The following RYR1 variants were observed in gnomAD, a reference collection of about 807,000 sequenced individuals.
The protein encoded by RYR1 is central core disease of muscle.
RYR1 carries 342 observed loss-of-function variants against 583.5 expected under a neutral mutation model. That is an observed-to-expected ratio of 0.59 (90% CI 0.54 to 0.64). The LOEUF is 0.64. RYR1 is among the 30% of genes least tolerant of loss of function. The pLI is 0.00. For missense variants in RYR1, 6,032 were observed against 6,917.2 expected, an observed-to-expected ratio of 0.87 and a Z score of 4.54; for synonymous variants, 2,791 against 2,822.5, an observed-to-expected ratio of 0.99 and a Z score of 0.35.
chr19:38,580,005 T>C lies in RYR1; in HGVS notation c.14388T>C (p.Tyr4796=), dbSNP rs1282197228. 6.2e-7 allele frequency: 1 copy of C among 1,614,144 alleles called. No homozygotes were observed. ...AGTCCTTCCTGTACCTGGGCTGGTA[T>C]ATGGTGATGTCCCTCTTGGGACACT... ...TDNSFLYLGW[Y]MVMSLLGHYN... The change falls in exon 100 of 106, where the codon TAT becomes TAC. Residue 4796 remains tyrosine, a synonymous_variant. Transcript: ENST00000359596.
chr19:38,458,870 T>C (rs545073804), intron 18 of RYR1, among the ~76,000 whole-genome samples: 1 of 152,278 alleles, frequency 6.6e-6, no homozygotes, highest in African/African-American at 2.4e-5. Context: ...CCATCCGCCT[T>C]GGCCTTCCAA....
chr19:38,522,939 C>A, intron 67 of RYR1, 89 bp from the exon 68 acceptor site: 1 of 1,019,578 alleles, frequency 9.8e-7, no homozygotes, highest in Non-Finnish European at 1.5e-6. Flanking sequence ...GTCTCCTGGT[C>A]CCCATCTCCT....
chr19:38,465,973 A>C, intron 23 of RYR1, 118 bp from the exon 24 acceptor site: 3 of 962,610 alleles, frequency 3.1e-6, no homozygotes, highest in Non-Finnish European at 4.8e-6. Context: ...GCAACATTAT[A>C]TCAAAGGTCA....
At chr19:38,534,168 C>G (rs547366013) in intron 78 of RYR1, among the ~76,000 whole-genome samples, 1 of 151,910 alleles carries the variant, frequency 6.6e-6, no homozygotes, top group Non-Finnish European at 1.5e-5. Context: ...CATGCCACCA[C>G]GCCTGGCTAA....
intron 36 of RYR1, 23 bp downstream of exon 36, chr19:38,490,299 C>T (rs370906529): frequency 3.9e-5 from 63 of 1,605,778 alleles, no homozygotes; most frequent in Non-Finnish European, 4.8e-5. Flanking sequence ...CTGACGCTGG[C>T]CACTTTTACT....
intron 55 of RYR1, 29 bp from the exon 56 acceptor site, chr19:38,506,442 C>G (rs1375709636): frequency 3.7e-6 from 6 of 1,613,926 alleles, no homozygotes; most frequent in Non-Finnish European, 5.1e-6. Context: ...TCCTCTGAAT[C>G]TAGCCCTTGA....
At chr19:38,507,672 C>A (rs780619001) in intron 57 of RYR1, 40 bp from the exon 58 acceptor site, 1 of 1,281,854 alleles carries the variant, frequency 7.8e-7, no homozygotes, top group South Asian at 1.2e-5. Context: ...ACTGTAGGGC[C>A]GGCGTCTGGG....
At chr19:38,490,009 A>C in intron 35 of RYR1, 67 bp from the exon 36 acceptor site, 1 of 1,528,024 alleles carries the variant, frequency 6.5e-7, no homozygotes, top group Non-Finnish European at 9.0e-7. Flanking sequence ...AGGAAGCAAG[A>C]GAAGTTTCAA....
At chr19:38,458,918 C>T (rs140768130) in intron 18 of RYR1, among the ~76,000 whole-genome samples, 3 of 152,314 alleles carry the variant, frequency 2.0e-5, no homozygotes, top group East Asian at 3.9e-4. Flanking sequence ...TGCATCCGGC[C>T]CCCAGGAGGA....
At position 38,453,085 on chromosome 19, in the gene RYR1, G is replaced by A. The variant is rs559795507; in HGVS notation, c.1440+71G>A. The A allele has an allele frequency of 6.6e-6, 10 of 1,518,888 alleles. No individual in the cohort carries two copies. The East Asian group carries it at 7.0e-5, about 11-fold the overall frequency. 94.1% of individuals were successfully genotyped at this position (1,518,888 alleles called of 1,614,324 possible). A position where few individuals can be genotyped will look rare whatever the true frequency, so the allele number is the denominator to read the frequency against. On this transcript the variant is annotated intron_variant, in intron 13 of 105. Coordinates refer to ENST00000359596, the MANE Select transcript of RYR1 (RefSeq NM_000540.3). ...CGGGACCACTGAGGGGCGGGGCCAC[G>A]GCGCTGGGCGGGGCAGGGCCTGAGG...
intron 88 of RYR1, 24 bp from the exon 89 acceptor site, chr19:38,548,209 A>G: frequency 6.2e-7 from 1 of 1,613,836 alleles, no homozygotes; most frequent in Non-Finnish European, 8.5e-7. Context: ...TTCACCGGCC[A>G]CACTGACCTG....
At position 38,565,585 on chromosome 19, in the gene RYR1, G is replaced by A. The variant is rs1217912658; in HGVS notation, c.13251G>A (p.Glu4417=). ...GASEGAGDAA[E]GAGDEEEAVH... ...GCGAGGGCGCTGGAGACGCCGCGGAGGGCGCTGGAGACGAGGAGGAGGCGG... is the reference window on the plus strand; with the variant it reads ...GCGAGGGCGCTGGAGACGCCGCGGAAGGCGCTGGAGACGAGGAGGAGGCGG... Residue 4417 remains glutamate, a synonymous_variant, in exon 91 of 106, where the codon GAG becomes GAA. Coordinates refer to ENST00000359596, the MANE Select transcript of RYR1 (RefSeq NM_000540.3). This position sits in a 1 kb window ranked among gnomAD's most constrained non-coding sequence, Gnocchi z 4.7. 4.1e-6 allele frequency: 6 copies of A among 1,464,258 alleles called. No homozygotes were observed. The East Asian group carries it at 8.8e-5, about 21-fold the overall frequency. 90.7% of individuals were successfully genotyped at this position (1,464,258 alleles called of 1,614,324 possible).
chr19:38,469,829 G>A (rs886611469), intron 27 of RYR1, among the ~76,000 whole-genome samples: 5 of 152,128 alleles, frequency 3.3e-5, no homozygotes, highest in African/African-American at 1.2e-4. Context: ...CACTTAGGGA[G>A]GCTGAGGCAG....
At chr19:38,486,343 T>G in intron 34 of RYR1, 141 bp downstream of exon 34, 1 of 1,118,978 alleles carries the variant, frequency 8.9e-7, no homozygotes, top group Admixed American at 2.0e-5. Context: ...CCACCTTTCT[T>G]TTTATTATTA....
At chr19:38,567,038 T>C (rs753599052) in intron 92 of RYR1, 51 bp downstream of exon 92, 23 of 1,550,588 alleles carry the variant, frequency 1.5e-5, no homozygotes, top group Non-Finnish European at 1.8e-5. Flanking sequence ...GCCTCCCTCC[T>C]AGAGTAGGAG....
At chr19:38,524,046 C>A in intron 70 of RYR1, 117 bp downstream of exon 70, 1 of 1,147,686 alleles carries the variant, frequency 8.7e-7, no homozygotes, top group Non-Finnish European at 1.3e-6. Context: ...CCCGTCCTCC[C>A]CTCCCAGCCC....
At chr19:38,491,586 G>A (rs776376575) in intron 37 of RYR1, among the ~76,000 whole-genome samples, 11 of 152,032 alleles carry the variant, frequency 7.2e-5, no homozygotes, top group South Asian at 2.1e-4. Context: ...GTGCCACCAC[G>A]CCTGGCTAAT....
rs370432246 is a variant in RYR1, at chr19:38,566,134, G to A, written c.13437+363G>A. 9.2e-5 allele frequency among the ~76,000 whole-genome samples: 14 copies of A among 151,916 alleles called. No homozygotes were observed. In the South Asian group the frequency reaches 2.3e-3, roughly 25 times the overall value. The stretch of plus-strand genomic sequence containing the variant: ...AGCCAGAGAGAGTAAGAAACCCAGA[G>A]ACCAAATTAGAGGGCAGGAAAGACC... On this transcript the variant is annotated intron_variant, in intron 91 of 105. Transcript: ENST00000359596.
At chr19:38,578,258 A>G (rs1232498570) in intron 99 of RYR1, 54 bp downstream of exon 99, 2 of 1,584,176 alleles carry the variant, frequency 1.3e-6, no homozygotes, top group Admixed American at 3.5e-5. Context: ...GGGCGTTAGG[A>G]GGGTTCCCAA....
Sources: allele counts gnomAD v4.1 joint callset (sites outside exome capture counted in the v4.1 genomes callset), GRCh38; gene constraint gnomAD v4.1.1; non-coding constraint Gnocchi (gnomAD v3.1); transcripts MANE v1.5; gene names NCBI Gene and HGNC (gene_info 2026-07-23, HGNC 2026-07-21).